The following PLD5 variants were observed in gnomAD, a reference collection of about 807,000 sequenced individuals.
PLD5 encodes phospholipase D family member 5, also known as inactive phospholipase D5.
PLD5 carries 36 observed loss-of-function variants against 61.1 expected under a neutral mutation model. That is an observed-to-expected ratio of 0.59 (90% CI 0.45 to 0.78). PLD5 has a LOEUF of 0.78. Ranked by LOEUF, PLD5 falls within the 30% of genes least tolerant of loss-of-function variation. PLD5 has a pLI of 0.00. For synonymous variants in PLD5, 243 were observed against 242.8 expected (o/e 1.00, Z -0.01); for missense variants, 515 against 644.4 (o/e 0.80, Z 2.17).
chr1:242,379,020 A>C (rs1662132543), intron 1 of PLD5, among the ~76,000 whole-genome samples: 2 of 151,986 alleles, frequency 1.3e-5, no homozygotes, highest in East Asian at 1.9e-4. Flanking sequence ...CTAGTCTTTC[A>C]CACTTCAGAA....
intron 5 of PLD5, among the ~76,000 whole-genome samples, chr1:242,213,972 G>T (rs11579424): frequency 0.32 from 48,485 of 151,716 alleles, 7,829 homozygotes; most frequent in South Asian, 0.43. Flanking sequence ...GCTAGGTTAT[G>T]ATCCTGATAT....
chr1:242,193,457 C>T (rs938921662), intron 5 of PLD5, among the ~76,000 whole-genome samples: 1 of 152,132 alleles, frequency 6.6e-6, no homozygotes, highest in African/African-American at 2.4e-5. Flanking sequence ...AGGAGGGTGG[C>T]CATGCACAGA....
At chr1:242,216,753 A>G (rs1174374600) in intron 5 of PLD5, among the ~76,000 whole-genome samples, 1 of 152,186 alleles carries the variant, frequency 6.6e-6, no homozygotes, top group African/African-American at 2.4e-5. Flanking sequence ...TATGTCTCTC[A>G]TCCATCACTG....
chr1:242,109,187 T>G (rs1661289189), intron 7 of PLD5, among the ~76,000 whole-genome samples: 1 of 152,174 alleles, frequency 6.6e-6, no homozygotes, highest in African/African-American at 2.4e-5. Flanking sequence ...CTTCTTGAAT[T>G]AAAACAGTGG....
At chr1:242,260,165 G>C (rs1168958056) in intron 4 of PLD5, among the ~76,000 whole-genome samples, 5 of 152,054 alleles carry the variant, frequency 3.3e-5, no homozygotes, top group Admixed American at 2.6e-4. Context: ...TGGTCAATAT[G>C]GTGAAACTCC....
At chr1:242,239,247 T>C (rs1255071654) in intron 4 of PLD5, among the ~76,000 whole-genome samples, 1 of 151,982 alleles carries the variant, frequency 6.6e-6, no homozygotes, top group African/African-American at 2.4e-5. Flanking sequence ...GTGGGCACAG[T>C]ATCACATCTT....
At chr1:242,354,174 T>A (rs1348912310) in intron 1 of PLD5, among the ~76,000 whole-genome samples, 1 of 152,064 alleles carries the variant, frequency 6.6e-6, no homozygotes, top group Non-Finnish European at 1.5e-5. Context: ...TCCTTGCTCA[T>A]AGGCATAAGA....
At chr1:242,121,609 A>G (rs1662364051) in intron 6 of PLD5, among the ~76,000 whole-genome samples, 1 of 152,218 alleles carries the variant, frequency 6.6e-6, no homozygotes, top group African/African-American at 2.4e-5. Context: ...CCAAAGGATT[A>G]TAAATCATGC....
rs953427337 is a variant in PLD5 at position 242,426,060 on chromosome 1, T to C, written c.190-77818A>G. ...CTGTTGTACAAAAATATTTTCCTTC[T>C]TTGTATCCTATTCTTTTTTCTATAT... On this transcript the variant is annotated intron_variant, in intron 1 of 9. Coordinates refer to ENST00000536534, the MANE Select transcript of PLD5 (RefSeq NM_001372062.1). 5.3e-5 allele frequency among the ~76,000 whole-genome samples: 8 copies of C among 152,316 alleles called. No homozygotes were observed. The East Asian group carries it at 1.5e-3, about 29-fold the overall frequency.
chr1:242,471,116 C>G (rs180775483), intron 1 of PLD5, among the ~76,000 whole-genome samples: 16 of 152,310 alleles, frequency 1.1e-4, no homozygotes, highest in Non-Finnish European at 2.1e-4. Flanking sequence ...TGCCTTTCAC[C>G]TCCTTAGACT....
intron 5 of PLD5, among the ~76,000 whole-genome samples, chr1:242,136,752 A>G (rs1264613525): frequency 6.6e-6 from 1 of 152,228 alleles, no homozygotes. Flanking sequence ...AAAACAGGGT[A>G]AGATGTGAAA....
At chr1:242,489,228 G>A (rs1393539864) in intron 1 of PLD5, among the ~76,000 whole-genome samples, 2 of 152,140 alleles carry the variant, frequency 1.3e-5, no homozygotes, top group Non-Finnish European at 2.9e-5. Flanking sequence ...AGAGGAGCAT[G>A]AGTGAGTCCA....
At chr1:242,423,904 T>C (rs1665279225) in intron 1 of PLD5, among the ~76,000 whole-genome samples, 1 of 152,248 alleles carries the variant, frequency 6.6e-6, no homozygotes, top group Admixed American at 6.5e-5. Context: ...TTTATTTTCA[T>C]ACTGCCATCA....
intron 2 of PLD5, among the ~76,000 whole-genome samples, chr1:242,328,795 C>T (rs1481720940): frequency 6.6e-6 from 1 of 152,172 alleles, no homozygotes; most frequent in African/African-American, 2.4e-5. Context: ...AATCAACCTG[C>T]CACCCAACCA....
At chr1:242,511,308 A>G (rs1447381253) in intron 1 of PLD5, among the ~76,000 whole-genome samples, 1 of 152,240 alleles carries the variant, frequency 6.6e-6, no homozygotes, top group East Asian at 1.9e-4. Flanking sequence ...TTCCTTACAA[A>G]AAATTACAAA....
At chr1:242,105,769 G>A (rs1661004165) in intron 8 of PLD5, among the ~76,000 whole-genome samples, 1 of 152,102 alleles carries the variant, frequency 6.6e-6, no homozygotes, top group African/African-American at 2.4e-5. Context: ...ATAATAATAG[G>A]TGTAATCTTC....
intron 1 of PLD5, among the ~76,000 whole-genome samples, chr1:242,523,535 T>C (rs548809683): frequency 4.1e-4 from 62 of 152,064 alleles, no homozygotes; most frequent in Non-Finnish European, 7.6e-4. Context: ...CGCAAATCTC[T>C]CCCTAGTTGG....
At chr1:242,438,200 G>A (rs77457612) in intron 1 of PLD5, among the ~76,000 whole-genome samples, 6 of 151,982 alleles carry the variant, frequency 3.9e-5, no homozygotes, top group African/African-American at 7.2e-5. Context: ...AGGTCCACTG[G>A]GGGTAATCTG....
chr1:242,163,132 ATTTTC>A (rs1312569399), intron 5 of PLD5, among the ~76,000 whole-genome samples: 4 of 148,958 alleles, frequency 2.7e-5, no homozygotes, highest in East Asian at 4.0e-4. Context: ...CAAGTCTTTT[ATTTTC>A]TTTTCTTTTC....
Sources: gnomAD v4.1 joint callset for allele counts (sites outside exome capture counted in the v4.1 genomes callset) on GRCh38, gnomAD v4.1.1 for gene constraint, MANE v1.5 for transcripts, NCBI Gene and HGNC (gene_info 2026-07-23, HGNC 2026-07-21) for gene names.